The following TMEM117 variants were observed in gnomAD, a reference collection of about 807,000 sequenced individuals.
TMEM117 encodes the protein transmembrane protein 117.
A neutral mutation model predicts 52.4 loss-of-function variants in TMEM117; 27 were observed. That is an observed-to-expected ratio of 0.51 (90% CI 0.38 to 0.71). The LOEUF (loss-of-function observed/expected upper bound fraction) is 0.71, where lower values mean the gene tolerates loss of function less well. Ranked by LOEUF, TMEM117 falls within the 30% of genes least tolerant of loss-of-function variation. The probability of loss-of-function intolerance (pLI) is 0.00; values close to 1 mark genes in which losing one functional copy is unlikely to be tolerated. For missense variants in TMEM117, 556 were observed against 630.5 expected, an observed-to-expected ratio of 0.88 and a Z score of 1.26; for synonymous variants, 215 against 206.3, an observed-to-expected ratio of 1.04 and a Z score of -0.36.
At chr12:44,301,961 T>C (rs1271050873) in intron 6 of TMEM117, among the ~76,000 whole-genome samples, 1 of 152,192 alleles carries the variant, frequency 6.6e-6, no homozygotes, top group Non-Finnish European at 1.5e-5. Flanking sequence ...AATATAAAGA[T>C]GAGTAAAAAA....
chr12:43,927,592 T>A (rs1944800397), intron 2 of TMEM117, among the ~76,000 whole-genome samples: 1 of 151,912 alleles, frequency 6.6e-6, no homozygotes, highest in Admixed American at 6.5e-5. Context: ...ATTTATATAA[T>A]CTATCTCATT....
chr12:44,026,167 A>G (rs1214658833), intron 3 of TMEM117, among the ~76,000 whole-genome samples: 1 of 152,212 alleles, frequency 6.6e-6, no homozygotes, highest in Non-Finnish European at 1.5e-5. Context: ...TTCATTTCAA[A>G]GACTTGGCTT....
At chr12:44,158,668 G>A (rs889648440) in intron 4 of TMEM117, among the ~76,000 whole-genome samples, 1 of 151,930 alleles carries the variant, frequency 6.6e-6, no homozygotes, top group Non-Finnish European at 1.5e-5. Flanking sequence ...ATATATTGTT[G>A]GAGTTTAAAT....
At chr12:44,276,889 T>TTGTTTTAAACACA (rs2138583069) in intron 5 of TMEM117, among the ~76,000 whole-genome samples, 1 of 148,962 alleles carries the variant, frequency 6.7e-6, no homozygotes, top group Admixed American at 6.6e-5. Flanking sequence ...ACATGAAAAG[T>TTGTTTTAAACACA]TTGTGTGTGT....
chr12:43,840,595 G>C (rs1326032419), intron 1 of TMEM117, among the ~76,000 whole-genome samples: 1 of 152,178 alleles, frequency 6.6e-6, no homozygotes, highest in African/African-American at 2.4e-5. Context: ...CTCTTTGTGA[G>C]TGTACCACTC....
intron 2 of TMEM117, among the ~76,000 whole-genome samples, chr12:43,851,116 T>C (rs1675766): frequency 0.21 from 32,078 of 152,162 alleles, 6,102 homozygotes; most frequent in African/African-American, 0.51. Flanking sequence ...TTCCTTCATT[T>C]ATTTTGTTAT....
chr12:44,153,069 C>G (rs1948777959), intron 4 of TMEM117, among the ~76,000 whole-genome samples: 1 of 151,628 alleles, frequency 6.6e-6, no homozygotes, highest in Admixed American at 6.6e-5. Context: ...AAAAGAAGCA[C>G]ATAGCTTCAT....
chr12:43,886,916 C>T (rs879449081), intron 2 of TMEM117, among the ~76,000 whole-genome samples: 3 of 152,126 alleles, frequency 2.0e-5, no homozygotes, highest in African/African-American at 4.8e-5. Context: ...GGCGTGATCT[C>T]GGTTCACTGC....
chr12:44,116,484 G>C (rs1442421699), intron 3 of TMEM117, among the ~76,000 whole-genome samples: 2 of 151,754 alleles, frequency 1.3e-5, no homozygotes, highest in African/African-American at 2.4e-5. Context: ...TCTTCTCTCT[G>C]TGGAATTTCA....
At chr12:43,874,834 C>T (rs984282900) in intron 2 of TMEM117, among the ~76,000 whole-genome samples, 4 of 152,096 alleles carry the variant, frequency 2.6e-5, no homozygotes, top group South Asian at 2.1e-4. Context: ...AGTTCATTAC[C>T]ATTTAAATAT....
intron 3 of TMEM117, among the ~76,000 whole-genome samples, chr12:44,057,400 G>A (rs552017216): frequency 6.6e-6 from 1 of 152,188 alleles, no homozygotes; most frequent in African/African-American, 2.4e-5. Context: ...TAAATGCTAT[G>A]AGGAGATAGC....
At chr12:43,801,022 G>C in the TMEM117 span, among the ~76,000 whole-genome samples, 7 of 152,030 alleles carry the variant, frequency 4.6e-5, no homozygotes, top group East Asian at 1.3e-3. Flanking sequence ...AAAGTTTAGG[G>C]ATTACAGGCA....
At chr12:43,901,978 G>A (rs1202663175) in intron 2 of TMEM117, among the ~76,000 whole-genome samples, 1 of 152,076 alleles carries the variant, frequency 6.6e-6, no homozygotes, top group Non-Finnish European at 1.5e-5. Flanking sequence ...AAATGATAAT[G>A]TTAACATTTT....
chr12:44,031,600 G>C (rs114289528), intron 3 of TMEM117, among the ~76,000 whole-genome samples: 5,459 of 152,086 alleles, frequency 0.036, 205 homozygotes, highest in African/African-American at 0.093. Context: ...TTACCTTTTT[G>C]CTTAAAATGC....
At chr12:43,885,514 C>T (rs368031510) in intron 2 of TMEM117, among the ~76,000 whole-genome samples, 3 of 146,262 alleles carry the variant, frequency 2.1e-5, no homozygotes, top group African/African-American at 7.5e-5. Flanking sequence ...ATTAGGGAAA[C>T]GCAGCCAAGA....
At chr12:43,990,011 TG>T (rs1488626768) in intron 3 of TMEM117, among the ~76,000 whole-genome samples, 1 of 152,154 alleles carries the variant, frequency 6.6e-6, no homozygotes, top group African/African-American at 2.4e-5. Flanking sequence ...ATTTCTAAAA[TG>T]GGAAACATGC....
the TMEM117 span, among the ~76,000 whole-genome samples, chr12:43,812,859 CAA>C: frequency 0.017 from 1,913 of 111,220 alleles, 40 homozygotes; most frequent in African/African-American, 0.062. Context: ...ACAAAAAGTA[CAA>C]AAAAAAAAAA....
chr12:44,317,002 C>CTTTTTTT (rs1202276425), intron 6 of TMEM117, among the ~76,000 whole-genome samples: 105 of 121,364 alleles, frequency 8.7e-4, no homozygotes, highest in Non-Finnish European at 1.1e-3. Context: ...TTTTCTTTTT[C>CTTTTTTT]TTTTTTTTTT....
chr12:43,973,723 G>A (rs1220211436), intron 3 of TMEM117, among the ~76,000 whole-genome samples: 1 of 152,184 alleles, frequency 6.6e-6, no homozygotes, highest in East Asian at 1.9e-4. Context: ...AGCTGCTACA[G>A]CAATTTGGGG....
Sources: allele counts gnomAD v4.1 joint callset (sites outside exome capture counted in the v4.1 genomes callset), GRCh38; gene constraint gnomAD v4.1.1; transcripts MANE v1.5; gene names NCBI Gene and HGNC (gene_info 2026-07-23, HGNC 2026-07-21).